Variants in ADAMTS17 observed in about 807,000 individuals in gnomAD.
ADAMTS17 encodes ADAM metallopeptidase with thrombospondin type 1 motif 17, also known as A disintegrin and metalloproteinase with thrombospondin motifs 17.
Under a neutral mutation model 141.5 loss-of-function variants are expected in ADAMTS17, and 113 were observed. The observed-to-expected ratio is 0.80, with a 90% CI of 0.69 to 0.93. The LOEUF is 0.93. Among genes scored for constraint, ADAMTS17 ranks in the 40% least tolerant of loss-of-function variants. The probability of loss-of-function intolerance (pLI) is 0.00; values close to 1 mark genes in which losing one functional copy is unlikely to be tolerated. For synonymous variants in ADAMTS17, 768 were observed against 630.6 expected (o/e 1.22, Z -3.27); for missense variants, 1,659 against 1,517.9 (o/e 1.09, Z -1.54).
chr15:100,115,121 G>A (rs941672675), intron 13 of ADAMTS17, among the ~76,000 whole-genome samples: 3 of 152,188 alleles, frequency 2.0e-5, no homozygotes, highest in Admixed American at 6.5e-5. Context: ...CTGGCATGCC[G>A]GGGAAAGCTG....
intron 20 of ADAMTS17, among the ~76,000 whole-genome samples, chr15:99,983,439 T>C (rs1486636462): frequency 2.6e-5 from 4 of 151,134 alleles, no homozygotes; most frequent in Non-Finnish European, 4.4e-5. Context: ...AGGAACCAGG[T>C]CTCCATCACC....
intron 15 of ADAMTS17, among the ~76,000 whole-genome samples, chr15:100,095,685 C>G (rs80063591): frequency 1.6e-4 from 25 of 152,294 alleles, no homozygotes; most frequent in African/African-American, 6.0e-4. Context: ...ACTACAGACG[C>G]TTTCTTAAAC....
intron 3 of ADAMTS17, among the ~76,000 whole-genome samples, chr15:100,284,783 A>G (rs1425543325): frequency 2.0e-5 from 3 of 152,216 alleles, no homozygotes; most frequent in African/African-American, 4.8e-5. Flanking sequence ...ACAGATGCCA[A>G]TATTCACAGA....
intron 3 of ADAMTS17, among the ~76,000 whole-genome samples, chr15:100,294,105 T>A (rs2044730743): frequency 6.6e-6 from 1 of 152,188 alleles, no homozygotes; most frequent in East Asian, 1.9e-4. Context: ...ACGCTCAGCC[T>A]CTAACATAGG....
At chr15:100,146,397 T>C (rs2038905385) in intron 10 of ADAMTS17, among the ~76,000 whole-genome samples, 1 of 152,210 alleles carries the variant, frequency 6.6e-6, no homozygotes, top group Non-Finnish European at 1.5e-5. Flanking sequence ...ACATAAATTG[T>C]GAAGATTTCA....
At chr15:100,317,925 C>T (rs551623772) in intron 3 of ADAMTS17, among the ~76,000 whole-genome samples, 12 of 152,224 alleles carry the variant, frequency 7.9e-5, no homozygotes, top group East Asian at 1.9e-4. Context: ...AAGGCTGAAG[C>T]GGCCAAGAGC....
chr15:100,084,219 C>T (rs111579458), intron 15 of ADAMTS17, among the ~76,000 whole-genome samples: 9,279 of 152,262 alleles, frequency 0.061, 297 homozygotes, highest in Middle Eastern at 0.085. Context: ...TGGGAGGGTC[C>T]CATGCCCACA....
At chr15:100,259,442 C>T (rs940941513) in intron 6 of ADAMTS17, among the ~76,000 whole-genome samples, 1 of 152,226 alleles carries the variant, frequency 6.6e-6, no homozygotes, top group African/African-American at 2.4e-5. Context: ...TGAGTGTGGG[C>T]AGCCACTGCT....
chr15:100,218,133 A>G (rs1391323165), intron 7 of ADAMTS17, among the ~76,000 whole-genome samples: 1 of 152,216 alleles, frequency 6.6e-6, no homozygotes, highest in Non-Finnish European at 1.5e-5. Flanking sequence ...TCAGCCTCCC[A>G]AAGGGCTGGG....
chr15:100,071,368 G>A (rs1256229176), intron 15 of ADAMTS17, among the ~76,000 whole-genome samples: 2 of 149,912 alleles, frequency 1.3e-5, no homozygotes, highest in Non-Finnish European at 1.5e-5. Context: ...TAGAAAAAGA[G>A]GGAATCCTCC....
intron 6 of ADAMTS17, among the ~76,000 whole-genome samples, chr15:100,258,120 C>CA (rs1181405331): frequency 2.0e-5 from 3 of 152,238 alleles, no homozygotes; most frequent in Non-Finnish European, 4.4e-5. Context: ...ATTCATCCAT[C>CA]AATGGACATA....
intron 7 of ADAMTS17, among the ~76,000 whole-genome samples, chr15:100,209,649 C>A (rs566299823): frequency 2.3e-4 from 35 of 150,972 alleles, no homozygotes; most frequent in African/African-American, 8.0e-4. Flanking sequence ...GAGAGCCACA[C>A]CACGAAGTCA....
At chr15:100,048,135 A>G (rs2031855682) in intron 18 of ADAMTS17, among the ~76,000 whole-genome samples, 1 of 152,218 alleles carries the variant, frequency 6.6e-6, no homozygotes, top group Non-Finnish European at 1.5e-5. Context: ...CTAAACACCT[A>G]GCCTAGTTAG....
At chr15:100,021,913 A>G (rs1409614417) in intron 18 of ADAMTS17, among the ~76,000 whole-genome samples, 1 of 151,620 alleles carries the variant, frequency 6.6e-6, no homozygotes. Flanking sequence ...CTGCTCCTCC[A>G]CAGGTCCTAG....
chr15:100,251,811 T>C (rs1346098718), intron 7 of ADAMTS17, among the ~76,000 whole-genome samples: 1 of 152,156 alleles, frequency 6.6e-6, no homozygotes, highest in African/African-American at 2.4e-5. Flanking sequence ...ACTGGCGTCC[T>C]TTATAAGGAG....
At chr15:100,320,533 A>C (rs986485503) in intron 3 of ADAMTS17, among the ~76,000 whole-genome samples, 3 of 152,216 alleles carry the variant, frequency 2.0e-5, no homozygotes, top group African/African-American at 4.8e-5. Flanking sequence ...ATAAATCGTC[A>C]CTAAGAATAA....
rs573063459 is a variant in ADAMTS17 at position 100,299,888 on chromosome 15, C to A, written c.617-18487G>T. Among the ~76,000 whole-genome samples the A allele has an allele frequency of 6.0e-4, 91 of 152,312 alleles. 1 individual carries two copies. The highest frequency in any genetic ancestry group is 2.1e-3 in the African/African-American group (87 of 41,568). On this transcript the variant is annotated intron_variant, in intron 3 of 21. Coordinates refer to ENST00000268070, the MANE Select transcript of ADAMTS17 (RefSeq NM_139057.4). ...GGGGGCCTGAGGTTGTGTCCCCACG[C>A]TGCTAGGTTTGAGGATGGGAACAGC... is the stretch of plus-strand genomic sequence containing the variant.
intron 3 of ADAMTS17, among the ~76,000 whole-genome samples, chr15:100,314,159 A>C (rs994793822): frequency 3.3e-5 from 5 of 152,370 alleles, no homozygotes; most frequent in African/African-American, 1.2e-4. Context: ...AAAAATGTGA[A>C]GATCAGGAAA....
At chr15:100,251,940 ATC>A (rs547848094) in intron 7 of ADAMTS17, among the ~76,000 whole-genome samples, 42 of 152,338 alleles carry the variant, frequency 2.8e-4, no homozygotes, top group Admixed American at 1.2e-3. Context: ...CGACACCTGG[ATC>A]TAGGACTTCC....
Sources: gnomAD v4.1 joint callset for allele counts (sites outside exome capture counted in the v4.1 genomes callset) on GRCh38, gnomAD v4.1.1 for gene constraint, MANE v1.5 for transcripts, NCBI Gene and HGNC (gene_info 2026-07-23, HGNC 2026-07-21) for gene names.